Variants in ZFAND3 observed in about 807,000 individuals in gnomAD.
The protein encoded by ZFAND3 is zinc finger AN1-type containing 3.
ZFAND3 carries 10 observed loss-of-function variants against 29.6 expected under a neutral mutation model. The ratio of observed to expected loss-of-function variants is 0.34; its 90% CI spans 0.21 to 0.57. The LOEUF (loss-of-function observed/expected upper bound fraction) is 0.57. ZFAND3 is among the 20% of genes least tolerant of loss of function. The pLI, the probability that ZFAND3 is intolerant of heterozygous loss-of-function variation, is 0.86. For missense variants in ZFAND3, 230 were observed against 304.5 expected, an observed-to-expected ratio of 0.76 and a Z score of 1.82; for synonymous variants, 128 against 112.6, an observed-to-expected ratio of 1.14 and a Z score of -0.87.
intron 5 of ZFAND3, among the ~76,000 whole-genome samples, chr6:38,137,646 T>A (rs777739085): frequency 6.6e-6 from 1 of 151,930 alleles, no homozygotes; most frequent in Non-Finnish European, 1.5e-5. Flanking sequence ...GCAGGAGATA[T>A]GATGTAATAA....
intron 2 of ZFAND3, chr6:38,003,798 G>T (rs752090813): frequency 8.9e-6 from 4 of 450,896 alleles, no homozygotes; most frequent in African/African-American, 2.0e-5. Flanking sequence ...GAGCTACAGT[G>T]CCTGGCTAGT....
chr6:37,863,948 G>T (rs1393279363), intron 1 of ZFAND3, among the ~76,000 whole-genome samples: 1 of 151,714 alleles, frequency 6.6e-6, no homozygotes, highest in East Asian at 2.0e-4. Context: ...CCATCTCCAT[G>T]ATTTGTCACT....
intron 1 of ZFAND3, among the ~76,000 whole-genome samples, chr6:37,827,423 A>C (rs1195706248): frequency 6.6e-6 from 1 of 152,242 alleles, no homozygotes; most frequent in African/African-American, 2.4e-5. Flanking sequence ...GATAGGTTGT[A>C]GATAGGCTCT....
chr6:37,960,520 A>G (rs1008033883), intron 2 of ZFAND3, among the ~76,000 whole-genome samples: 5 of 152,190 alleles, frequency 3.3e-5, no homozygotes, highest in South Asian at 4.1e-4. Flanking sequence ...CTCACTTTCC[A>G]TGAATTACAT....
chr6:38,004,280 T>G (rs1763004573), intron 2 of ZFAND3, among the ~76,000 whole-genome samples: 1 of 152,222 alleles, frequency 6.6e-6, no homozygotes, highest in South Asian at 2.1e-4. Context: ...TAGTACATAT[T>G]TGGTAGAATC....
intron 2 of ZFAND3, among the ~76,000 whole-genome samples, chr6:37,996,864 G>C (rs576070228): frequency 3.7e-4 from 57 of 152,076 alleles, no homozygotes; most frequent in Non-Finnish European, 6.9e-4. Context: ...TTATACCATT[G>C]ACCTAATTTA....
At chr6:38,118,289 C>T (rs1247142042) in intron 5 of ZFAND3, among the ~76,000 whole-genome samples, 2 of 152,312 alleles carry the variant, frequency 1.3e-5, no homozygotes, top group East Asian at 3.9e-4. Context: ...ACTCTGGGCT[C>T]TGCTGGCTAA....
At chr6:38,017,659 G>T (rs1415228161) in intron 2 of ZFAND3, among the ~76,000 whole-genome samples, 1 of 151,622 alleles carries the variant, frequency 6.6e-6, no homozygotes, top group Non-Finnish European at 1.5e-5. Flanking sequence ...GGAGAGACCT[G>T]GTGTTTGTGT....
At chr6:38,093,895 A>G (rs1417759089) in intron 4 of ZFAND3, among the ~76,000 whole-genome samples, 1 of 152,104 alleles carries the variant, frequency 6.6e-6, no homozygotes, top group African/African-American at 2.4e-5. Flanking sequence ...ATAGTGAACT[A>G]TTTTGCCCCT....
At chr6:37,827,323 C>T (rs887757491) in intron 1 of ZFAND3, among the ~76,000 whole-genome samples, 1 of 152,192 alleles carries the variant, frequency 6.6e-6, no homozygotes, top group African/African-American at 2.4e-5. Context: ...AACTGGCAAC[C>T]TCAGCGGCTT....
chr6:38,002,664 C>CA (rs1176078327), intron 2 of ZFAND3, among the ~76,000 whole-genome samples: 1 of 151,736 alleles, frequency 6.6e-6, no homozygotes, highest in African/African-American at 2.4e-5. Flanking sequence ...GACCCTGTCT[C>CA]AAAAAAACAA....
At chr6:38,083,276 C>T (rs944070137) in intron 4 of ZFAND3, among the ~76,000 whole-genome samples, 1 of 152,130 alleles carries the variant, frequency 6.6e-6, no homozygotes, top group African/African-American at 2.4e-5. Context: ...TGATGCTAGG[C>T]CTCAGTCAGG....
intron 2 of ZFAND3, 142 bp from the exon 3 acceptor site, chr6:38,061,451 T>G: frequency 9.9e-7 from 1 of 1,014,046 alleles, no homozygotes; most frequent in Admixed American, 2.8e-5. Context: ...GACCAGTGTT[T>G]TACTCCCATG....
intron 1 of ZFAND3, among the ~76,000 whole-genome samples, chr6:37,899,556 G>A (rs1188481137): frequency 6.6e-6 from 1 of 152,128 alleles, no homozygotes; most frequent in Non-Finnish European, 1.5e-5. Flanking sequence ...GTCCAATTTA[G>A]ATGTATATTT....
intron 5 of ZFAND3, among the ~76,000 whole-genome samples, chr6:38,145,141 G>C (rs964721946): frequency 7.9e-5 from 12 of 152,144 alleles, no homozygotes; most frequent in Non-Finnish European, 5.9e-5. Context: ...TCCAGCTCCT[G>C]CTCCACCCAC....
Position 38,153,037 on chromosome 6 carries a change from A to T in ZFAND3, c.*648A>T. Reference sequence around the variant, plus strand: ...TCATCACACAAGAAGAGAAACAGTAACCTCACTTTGAAAATTAGCTCCACT... The same window carrying T: ...TCATCACACAAGAAGAGAAACAGTATCCTCACTTTGAAAATTAGCTCCACT... On this transcript the variant is annotated 3_prime_UTR_variant, in exon 6 of 6. Transcript: ENST00000287218. The T allele has an allele frequency of 5.1e-6, 5 of 985,642 alleles. No individual in the cohort carries two copies. The South Asian group carries it at 2.4e-4, about 46-fold the overall frequency. 61.1% of individuals were successfully genotyped at this position (985,642 alleles called of 1,614,324 possible). A position where few individuals can be genotyped will look rare whatever the true frequency, so the allele number is the denominator to read the frequency against.
intron 1 of ZFAND3, among the ~76,000 whole-genome samples, chr6:37,926,530 T>C (rs1436972380): frequency 6.6e-6 from 1 of 152,238 alleles, no homozygotes; most frequent in Non-Finnish European, 1.5e-5. Context: ...CCTCTCTCTC[T>C]TGTGATGTCA....
chr6:37,830,670 A>T (rs973128211), intron 1 of ZFAND3, among the ~76,000 whole-genome samples: 1 of 152,062 alleles, frequency 6.6e-6, no homozygotes, highest in African/African-American at 2.4e-5. Flanking sequence ...GGCCATGGAG[A>T]CTCAACCTAC....
At chr6:37,977,910 T>TTTCTTCCTTTCTTCCG (rs1241334624) in intron 2 of ZFAND3, among the ~76,000 whole-genome samples, 5 of 143,830 alleles carry the variant, frequency 3.5e-5, no homozygotes, top group Non-Finnish European at 6.2e-5. Flanking sequence ...CTCCTCTTCC[T>TTTCTTCCTTTCTTCCG]TTCTTCCTTT....
Sources: allele counts gnomAD v4.1 joint callset (sites outside exome capture counted in the v4.1 genomes callset), GRCh38; gene constraint gnomAD v4.1.1; transcripts MANE v1.5; gene names NCBI Gene and HGNC (gene_info 2026-07-23, HGNC 2026-07-21).